Variants in NXN observed in about 807,000 individuals in gnomAD.
The protein encoded by NXN is nucleoredoxin.
NXN carries 16 observed loss-of-function variants against 48.6 expected under a neutral mutation model. That is an observed-to-expected ratio of 0.33 (90% CI 0.22 to 0.50). The LOEUF is 0.50. Ranked by LOEUF, NXN falls within the 20% of genes least tolerant of loss-of-function variation. The pLI, the probability that NXN is intolerant of heterozygous loss-of-function variation, is 0.98. For missense variants in NXN, 492 were observed against 605.5 expected, an observed-to-expected ratio of 0.81 and a Z score of 1.97; for synonymous variants, 281 against 269.6, an observed-to-expected ratio of 1.04 and a Z score of -0.41.
At chr17:852,127 C>T (rs1438129513) in intron 1 of NXN, among the ~76,000 whole-genome samples, 3 of 152,246 alleles carry the variant, frequency 2.0e-5, no homozygotes, top group Non-Finnish European at 2.9e-5. Flanking sequence ...TGGCTTATCC[C>T]TGCATGCCGG....
chr17:833,934 T>C (rs1166313625), intron 1 of NXN, among the ~76,000 whole-genome samples: 1 of 152,210 alleles, frequency 6.6e-6, no homozygotes, highest in African/African-American at 2.4e-5. Context: ...CCACTGTCGC[T>C]GTGTTCCTAA....
intron 1 of NXN, among the ~76,000 whole-genome samples, chr17:965,876 G>A (rs906363949): frequency 1.3e-5 from 2 of 151,996 alleles, no homozygotes; most frequent in East Asian, 1.9e-4. Context: ...CAGCACTTTG[G>A]GAGGCCGAGG....
At chr17:942,516 GGC>G (rs1213915116) in intron 1 of NXN, among the ~76,000 whole-genome samples, 518 of 47,782 alleles carry the variant, frequency 0.011, 185 homozygotes, top group Admixed American at 0.024. Flanking sequence ...AAGATTCCAG[GGC>G]GCAGCCATGA....
chr17:901,449 G>A (rs552754776), intron 1 of NXN, among the ~76,000 whole-genome samples: 116 of 152,270 alleles, frequency 7.6e-4, no homozygotes, highest in African/African-American at 2.6e-3. Flanking sequence ...TCCCGGCTCT[G>A]CCAGATCCCA....
rs1491528474 is a variant in NXN at position 853,723 on chromosome 17, A to ATATATATATTT, written c.361-27646_361-27645insAAATATATATA. Among the ~76,000 whole-genome samples the ATATATATATTT allele has an allele frequency of 5.2e-3, 551 of 105,896 alleles. 2 individuals are homozygous for ATATATATATTT. The highest frequency in any genetic ancestry group is 5.8e-3 in the Non-Finnish European group (327 of 56,296). 69.5% of individuals were successfully genotyped at this position (105,896 alleles called of 152,430 possible). Reference sequence around the variant, plus strand: ...TACACATATATATATATATATATATATTTTTTTTTTTTTTTCCAAGACGGA... The same window carrying ATATATATATTT: ...TACACATATATATATATATATATATATATATATATTTTTTTTTTTTTTTTTTCCAAGACGGA... On this transcript the variant is annotated intron_variant, in intron 1 of 7. Coordinates refer to ENST00000336868, the MANE Select transcript of NXN (RefSeq NM_022463.5).
intron 1 of NXN, among the ~76,000 whole-genome samples, chr17:876,247 G>GAAA (rs1567844196): frequency 4.0e-5 from 6 of 150,444 alleles, no homozygotes; most frequent in South Asian, 4.3e-4. Context: ...GAGAAGAGAA[G>GAAA]AGAAGAAAAG....
chr17:939,386 C>T (rs946919114), intron 1 of NXN, among the ~76,000 whole-genome samples: 1 of 149,530 alleles, frequency 6.7e-6, no homozygotes, highest in Admixed American at 6.7e-5. Flanking sequence ...ACTCTTGTCA[C>T]CCAGGCTGGA....
rs996592827 is a variant in NXN, at chr17:920,797, G to A, written c.360+58522C>T. Among the ~76,000 whole-genome samples, 47 of 150,424 alleles carry A rather than the reference G, an allele frequency of 3.1e-4. No homozygotes were observed. Among genetic ancestry groups the A allele is most frequent in the South Asian group, 6.3e-4 (3 of 4,754 alleles). ...GAGTGCAGTGGTGGGATCTCGGCTC[G>A]CTGCAACCTCTGCCTCCCGGGTTCA... On this transcript the variant is annotated intron_variant, in intron 1 of 7. Coordinates refer to ENST00000336868, the MANE Select transcript of NXN (RefSeq NM_022463.5). This position sits in a 1 kb window ranked among gnomAD's most constrained non-coding sequence, Gnocchi z 4.6.
At chr17:881,831 T>C (rs559818744) in intron 1 of NXN, among the ~76,000 whole-genome samples, 1 of 152,244 alleles carries the variant, frequency 6.6e-6, no homozygotes, top group East Asian at 1.9e-4. Flanking sequence ...CTCACAATCA[T>C]GCTGAGCAAA....
chr17:876,861 A>G (rs2068222276), intron 1 of NXN, among the ~76,000 whole-genome samples: 1 of 152,026 alleles, frequency 6.6e-6, no homozygotes, highest in Non-Finnish European at 1.5e-5. Flanking sequence ...AGCCTGGCCA[A>G]CACAGTGAAA....
intron 1 of NXN, among the ~76,000 whole-genome samples, chr17:843,078 A>G (rs1914472540): frequency 6.6e-6 from 1 of 152,050 alleles, no homozygotes; most frequent in Non-Finnish European, 1.5e-5. Context: ...CAAGCAAGCA[A>G]GCTGCACCTT....
chr17:972,928 G>T (rs1003067218), intron 1 of NXN, among the ~76,000 whole-genome samples: 1 of 152,086 alleles, frequency 6.6e-6, no homozygotes, highest in African/African-American at 2.4e-5. Context: ...CTACTCGGGA[G>T]GCTGAGGCAG....
At chr17:839,797 T>TTAAAAAAA (rs1555612501) in intron 1 of NXN, among the ~76,000 whole-genome samples, 3 of 57,274 alleles carry the variant, frequency 5.2e-5, no homozygotes, top group East Asian at 8.0e-4. Flanking sequence ...GAGACCTTGT[T>TTAAAAAAA]AAAAAAAAAA....
chr17:804,997 C>T lies in NXN; in HGVS notation c.1000+71G>A. On this transcript the variant is annotated intron_variant, in intron 6 of 7. Transcript: ENST00000336868. Reference sequence around the variant, plus strand: ...CAGAGAGAAGCGGCAGGGACAGGCTCCTCCCAAGTGAGGCCCCTCCTGTCC... The same window carrying T: ...CAGAGAGAAGCGGCAGGGACAGGCTTCTCCCAAGTGAGGCCCCTCCTGTCC... The T allele has an allele frequency of 3.4e-6, 5 of 1,469,660 alleles. No homozygotes were observed. In the South Asian group the frequency reaches 4.9e-5, roughly 14 times the overall value. The allele number at this position is 1,469,660 out of a possible 1,614,324, so 91.0% of individuals were successfully genotyped here.
At chr17:807,113 G>A (rs1471114354) in intron 5 of NXN, among the ~76,000 whole-genome samples, 2 of 152,152 alleles carry the variant, frequency 1.3e-5, no homozygotes, top group Non-Finnish European at 2.9e-5. Flanking sequence ...GTCCATGCCC[G>A]CTGTGTCCAT....
Position 826,082 on chromosome 17 carries a change from T to C in NXN, c.361-4A>G. The C allele has an allele frequency of 6.3e-7, 1 of 1,599,640 alleles. No homozygotes were observed. Among genetic ancestry groups the C allele is most frequent in the East Asian group, 2.2e-5 (1 of 44,800 alleles). On this transcript the variant is annotated splice_region_variant and splice_polypyrimidine_tract_variant and intron_variant, in intron 1 of 7. Transcript: ENST00000336868. ...GGTATTTGTTCCAAAGTTTGAGCTG[T>C]ATGAAGAAAAGCAAAAGAAGGTGGT...
At chr17:922,720 C>T (rs193048565) in intron 1 of NXN, among the ~76,000 whole-genome samples, 5 of 151,934 alleles carry the variant, frequency 3.3e-5, no homozygotes, top group East Asian at 2.0e-4. Flanking sequence ...GGTGCGATCT[C>T]GGCTCACTGC....
intron 1 of NXN, among the ~76,000 whole-genome samples, chr17:954,744 A>T (rs2150621663): frequency 6.6e-6 from 1 of 152,350 alleles, no homozygotes; most frequent in South Asian, 2.1e-4. Context: ...GCCCAACAGG[A>T]AAAAGTACTG....
chr17:829,339 G>A (rs1022218525), intron 1 of NXN, among the ~76,000 whole-genome samples: 3 of 151,854 alleles, frequency 2.0e-5, no homozygotes, highest in African/African-American at 7.3e-5. Context: ...ATTTTTAGTA[G>A]AGATCGGGTT....
Sources: gnomAD v4.1 joint callset for allele counts (sites outside exome capture counted in the v4.1 genomes callset) on GRCh38, gnomAD v4.1.1 for gene constraint, Gnocchi (gnomAD v3.1) non-coding constraint, MANE v1.5 for transcripts, NCBI Gene and HGNC (gene_info 2026-07-23, HGNC 2026-07-21) for gene names.